Variants in SETBP1 observed in about 807,000 individuals in gnomAD.
SETBP1 encodes the protein SET binding protein 1.
SETBP1 carries 9 observed loss-of-function variants against 101.0 expected under a neutral mutation model. The observed-to-expected ratio is 0.09, with a 90% CI of 0.05 to 0.16. The LOEUF (loss-of-function observed/expected upper bound fraction) is 0.16. Ranked by LOEUF, SETBP1 falls within the 10% of genes least tolerant of loss-of-function variation. The pLI is 1.00. For synonymous variants in SETBP1, 818 were observed against 788.5 expected (o/e 1.04, Z -0.63); for missense variants, 1,858 against 2,033.8 (o/e 0.91, Z 1.66).
At chr18:44,755,512 C>T (rs1403831222) in intron 2 of SETBP1, among the ~76,000 whole-genome samples, 1 of 151,504 alleles carries the variant, frequency 6.6e-6, no homozygotes, top group African/African-American at 2.4e-5. Flanking sequence ...TGCCCTTAGA[C>T]ATCAAACTCC....
chr18:44,759,974 G>A (rs1208653773), intron 2 of SETBP1, among the ~76,000 whole-genome samples: 1 of 152,154 alleles, frequency 6.6e-6, no homozygotes, highest in East Asian at 1.9e-4. Context: ...TGTATGTGTG[G>A]CCAGGTTGGG....
chr18:44,964,378 C>A (rs1438926893), intron 4 of SETBP1, among the ~76,000 whole-genome samples: 1 of 152,094 alleles, frequency 6.6e-6, no homozygotes, highest in East Asian at 1.9e-4. Flanking sequence ...CCAGCCTGGG[C>A]AGCTCTAAAT....
chr18:44,789,092 C>A (rs187190571), intron 2 of SETBP1, among the ~76,000 whole-genome samples: 142 of 152,186 alleles, frequency 9.3e-4, no homozygotes, highest in Non-Finnish European at 1.8e-3. Context: ...TGTGAGCCAC[C>A]GCACCCGGCT....
intron 2 of SETBP1, among the ~76,000 whole-genome samples, chr18:44,824,607 T>G (rs1369224285): frequency 1.3e-5 from 2 of 152,338 alleles, no homozygotes; most frequent in African/African-American, 4.8e-5. Flanking sequence ...GCCAGAGGTG[T>G]GTATCTTTCA....
intron 4 of SETBP1, among the ~76,000 whole-genome samples, chr18:45,009,337 T>C (rs1463433360): frequency 6.7e-6 from 1 of 149,792 alleles, no homozygotes; most frequent in Non-Finnish European, 1.5e-5. Flanking sequence ...CTCGGATGCC[T>C]GTGGCCCAAA....
intron 2 of SETBP1, among the ~76,000 whole-genome samples, chr18:44,856,137 A>C (rs1048777730): frequency 2.6e-5 from 4 of 151,886 alleles, no homozygotes; most frequent in African/African-American, 9.7e-5. Flanking sequence ...AAAAAAAGCA[A>C]TTAGTTCCTG....
intron 4 of SETBP1, among the ~76,000 whole-genome samples, chr18:44,982,125 G>C (rs1305962809): frequency 6.6e-6 from 1 of 152,224 alleles, no homozygotes; most frequent in Non-Finnish European, 1.5e-5. Flanking sequence ...AGTTGCTGTA[G>C]AGTAAGTCAC....
intron 3 of SETBP1, among the ~76,000 whole-genome samples, chr18:44,886,832 A>T (rs596159): frequency 0.54 from 80,720 of 150,832 alleles, 21,764 homozygotes; most frequent in Non-Finnish European, 0.55. Flanking sequence ...ATACCACACA[A>T]AGATAACAGC....
At chr18:44,844,854 A>G (rs978649290) in intron 2 of SETBP1, among the ~76,000 whole-genome samples, 1 of 152,130 alleles carries the variant, frequency 6.6e-6, no homozygotes, top group Non-Finnish European at 1.5e-5. Flanking sequence ...TGCACCAGAC[A>G]AAGAGGAGGG....
At chr18:44,869,512 G>T (rs2069221465) in intron 3 of SETBP1, 5 of 490,192 alleles carry the variant, frequency 1.0e-5, no homozygotes, top group Non-Finnish European at 1.9e-5. Context: ...TATTCTATAG[G>T]AGAAAAATAT....
chr18:44,734,415 G>C (rs1217062965), intron 2 of SETBP1, among the ~76,000 whole-genome samples: 1 of 152,050 alleles, frequency 6.6e-6, no homozygotes, highest in Non-Finnish European at 1.5e-5. Context: ...ATCAACTTAG[G>C]CCCTTGTTAA....
intron 4 of SETBP1, among the ~76,000 whole-genome samples, chr18:44,957,396 G>A (rs979557019): frequency 6.6e-6 from 1 of 151,204 alleles, no homozygotes; most frequent in East Asian, 1.9e-4. Context: ...AAAAAAAAAT[G>A]AGAAGAGTGA....
intron 2 of SETBP1, among the ~76,000 whole-genome samples, chr18:44,804,664 G>A (rs2071689368): frequency 6.6e-6 from 1 of 152,098 alleles, no homozygotes; most frequent in South Asian, 2.1e-4. Context: ...TATCCACTAT[G>A]AGGAAGGCAA....
chr18:44,771,849 A>G (rs1002259843), intron 2 of SETBP1, among the ~76,000 whole-genome samples: 2 of 152,174 alleles, frequency 1.3e-5, no homozygotes, highest in Admixed American at 6.5e-5. Flanking sequence ...GAAACTCTGT[A>G]TTGTAGATTC....
chr18:44,871,892 C>T (rs1046743951), intron 3 of SETBP1: 3 of 152,224 alleles, frequency 2.0e-5, no homozygotes, highest in African/African-American at 7.2e-5. Flanking sequence ...AGAGCTTCTT[C>T]TAGAGTCAGG....
At chr18:44,942,436 C>A (rs1363463110) in intron 3 of SETBP1, among the ~76,000 whole-genome samples, 1 of 152,180 alleles carries the variant, frequency 6.6e-6, no homozygotes, top group Non-Finnish European at 1.5e-5. Context: ...CTACATAGCT[C>A]CCCTTTCTCA....
intron 4 of SETBP1, among the ~76,000 whole-genome samples, chr18:44,963,308 A>G (rs2071650233): frequency 6.6e-6 from 1 of 152,202 alleles, no homozygotes; most frequent in African/African-American, 2.4e-5. Context: ...TGCTAAAAAT[A>G]GGATATTTTA....
intron 4 of SETBP1, among the ~76,000 whole-genome samples, chr18:45,027,316 G>C (rs1210707604): frequency 1.3e-5 from 2 of 152,144 alleles, no homozygotes; most frequent in African/African-American, 4.8e-5. Context: ...AATCAGAATA[G>C]TGATTTATTC....
intron 2 of SETBP1, among the ~76,000 whole-genome samples, chr18:44,841,799 T>A (rs1353860952): frequency 2.6e-5 from 4 of 152,186 alleles, no homozygotes; most frequent in African/African-American, 9.7e-5. Context: ...TTATCACCTC[T>A]TTTCACCTAT....
Sources: gnomAD v4.1 joint callset for allele counts (sites outside exome capture counted in the v4.1 genomes callset) on GRCh38, gnomAD v4.1.1 for gene constraint, MANE v1.5 for transcripts, NCBI Gene and HGNC (gene_info 2026-07-23, HGNC 2026-07-21) for gene names.